ASCC3: variants seen among roughly 807,000 people sequenced by gnomAD.
ASCC3 encodes the protein ASC-1 complex subunit P200.
A neutral mutation model predicts 256.3 loss-of-function variants in ASCC3; 158 were observed. The ratio of observed to expected loss-of-function variants is 0.62; its 90% CI spans 0.54 to 0.70. The LOEUF is 0.70. ASCC3 is among the 30% of genes least tolerant of loss of function. The pLI, the probability that ASCC3 is intolerant of heterozygous loss-of-function variation, is 0.00. For missense variants in ASCC3, 2,259 were observed against 2,626.0 expected, an observed-to-expected ratio of 0.86 and a Z score of 3.05; for synonymous variants, 948 against 883.4, an observed-to-expected ratio of 1.07 and a Z score of -1.30.
At chr6:100,680,641 A>G (rs1332649535) in intron 13 of ASCC3, among the ~76,000 whole-genome samples, 2 of 152,208 alleles carry the variant, frequency 1.3e-5, no homozygotes, top group African/African-American at 4.8e-5. Context: ...TATACAATCT[A>G]AAGATAGTAT....
intron 13 of ASCC3, among the ~76,000 whole-genome samples, chr6:100,714,449 C>T (rs902503700): frequency 4.6e-5 from 7 of 151,924 alleles, no homozygotes; most frequent in African/African-American, 1.7e-4. Context: ...CAGCTCATGG[C>T]CTGGATCTGA....
intron 25 of ASCC3, 124 bp from the exon 26 acceptor site, chr6:100,631,337 C>T: frequency 1.4e-6 from 1 of 703,052 alleles, no homozygotes; most frequent in Non-Finnish European, 2.5e-6. Context: ...TCTTTTAATT[C>T]TGAATACTCA....
chr6:100,811,189 A>C, intron 4 of ASCC3, among the ~76,000 whole-genome samples: 1 of 152,178 alleles, frequency 6.6e-6, no homozygotes, highest in Non-Finnish European at 1.5e-5. Context: ...TTTTTCCACA[A>C]TCTTGCACAG....
At chr6:100,642,836 TACAAG>T (rs759324159) in intron 23 of ASCC3, 87 bp from the exon 24 acceptor site, 41 of 1,175,896 alleles carry the variant, frequency 3.5e-5, no homozygotes, top group Admixed American at 5.7e-5. Context: ...ACGGTATCTC[TACAAG>T]ATATACTAAA....
chr6:100,732,797 C>T (rs1233012732), intron 10 of ASCC3, among the ~76,000 whole-genome samples: 6 of 152,054 alleles, frequency 3.9e-5, no homozygotes, highest in South Asian at 4.2e-4. Flanking sequence ...CTGTCCAATT[C>T]GAGTAACTGC....
intron 3 of ASCC3, among the ~76,000 whole-genome samples, chr6:100,860,981 A>T (rs1773197421): frequency 6.6e-6 from 1 of 152,138 alleles, no homozygotes. Flanking sequence ...GACAAAGATC[A>T]GTCCAGTGAC....
intron 16 of ASCC3, among the ~76,000 whole-genome samples, chr6:100,657,152 T>A (rs1053959008): frequency 6.6e-6 from 1 of 151,278 alleles, no homozygotes; most frequent in African/African-American, 2.4e-5. Flanking sequence ...TATAGTATTA[T>A]GATATACTAT....
chr6:100,582,923 C>T (rs1385652025), intron 36 of ASCC3, among the ~76,000 whole-genome samples: 1 of 152,122 alleles, frequency 6.6e-6, no homozygotes, highest in African/African-American at 2.4e-5. Context: ...AGCCTTGCAT[C>T]CCAGAGATGA....
At chr6:100,762,567 C>T (rs1435258905) in intron 10 of ASCC3, among the ~76,000 whole-genome samples, 1 of 152,154 alleles carries the variant, frequency 6.6e-6, no homozygotes, top group African/African-American at 2.4e-5. Context: ...CACAAAATTG[C>T]TTTTTAGCTG....
intron 36 of ASCC3, 105 bp from the exon 37 acceptor site, chr6:100,540,492 A>C: frequency 2.1e-6 from 2 of 951,178 alleles, no homozygotes; most frequent in South Asian, 1.5e-5. Context: ...ATCATACAAT[A>C]ACCATATCCC....
intron 8 of ASCC3, among the ~76,000 whole-genome samples, chr6:100,794,804 T>C (rs1460177021): frequency 6.6e-6 from 1 of 152,072 alleles, no homozygotes; most frequent in African/African-American, 2.4e-5. Context: ...TAGTCCATTT[T>C]TGCTGAATAA....
intron 11 of ASCC3, among the ~76,000 whole-genome samples, chr6:100,725,124 G>T (rs564489523): frequency 1.8e-4 from 27 of 152,012 alleles, no homozygotes; most frequent in Admixed American, 4.6e-4. Context: ...AAAGGCAAGA[G>T]AATATGAATA....
intron 37 of ASCC3, among the ~76,000 whole-genome samples, chr6:100,528,595 T>A (rs1774713222): frequency 6.6e-6 from 1 of 152,184 alleles, no homozygotes; most frequent in Admixed American, 6.5e-5. Context: ...TATGGAGTAG[T>A]CATTCTTTTA....
intron 8 of ASCC3, among the ~76,000 whole-genome samples, chr6:100,789,266 T>TC (rs1769235153): frequency 6.6e-6 from 1 of 151,814 alleles, no homozygotes; most frequent in African/African-American, 2.4e-5. Context: ...AAGCTCAGAG[T>TC]ATAAGCTTTC....
At chr6:100,590,082 A>G in intron 34 of ASCC3, 23 bp from the exon 35 acceptor site, 1 of 1,533,844 alleles carries the variant, frequency 6.5e-7, no homozygotes, top group Non-Finnish European at 9.0e-7. Context: ...CAAGGTTATT[A>G]TTATTTGTTT....
At chr6:100,796,923 C>G (rs72947027) in intron 8 of ASCC3, among the ~76,000 whole-genome samples, 2 of 151,968 alleles carry the variant, frequency 1.3e-5, no homozygotes, top group African/African-American at 4.8e-5. Flanking sequence ...TAATGATGCC[C>G]CCCAAAAATC....
intron 8 of ASCC3, among the ~76,000 whole-genome samples, chr6:100,777,810 A>G (rs1392491530): frequency 6.6e-6 from 1 of 152,166 alleles, no homozygotes; most frequent in African/African-American, 2.4e-5. Context: ...CAGGAATTGT[A>G]GGTAGGTCAT....
At position 100,510,007 on chromosome 6, in the gene ASCC3, G is replaced by C; in HGVS notation, c.6386C>G (p.Ala2129Gly). 1 of 1,613,962 alleles carries C rather than the reference G, an allele frequency of 6.2e-7. No homozygotes were observed. Among genetic ancestry groups the C allele is most frequent in the Non-Finnish European group, 8.5e-7 (1 of 1,179,936 alleles). Residue 2129 changes from alanine (A) to glycine (G), a missense_variant, in exon 41 of 42, where the codon GCT becomes GGT. Ala to Gly is a moderately conservative substitution (Grantham distance 60, BLOSUM62 0). Coordinates refer to ENST00000369162, the MANE Select transcript of ASCC3 (RefSeq NM_006828.4). ...TCGAATATATCCTACTCTTTTCAAA[G>C]CAATAAGTTCTCTCTTATCCACTTC... The part of the protein sequence containing the change: ...LGEVDKRELI[A>G]LKRVGYIRNH...
intron 37 of ASCC3, among the ~76,000 whole-genome samples, chr6:100,532,294 A>G (rs1315658310): frequency 6.9e-6 from 1 of 145,278 alleles, no homozygotes; most frequent in African/African-American, 2.5e-5. Flanking sequence ...TGTTTCACTC[A>G]GATTAGCTCA....
Sources: allele counts gnomAD v4.1 joint callset (sites outside exome capture counted in the v4.1 genomes callset), GRCh38; gene constraint gnomAD v4.1.1; transcripts MANE v1.5; gene names NCBI Gene and HGNC (gene_info 2026-07-23, HGNC 2026-07-21).